STAU2: variants seen among roughly 807,000 people sequenced by gnomAD.
STAU2 encodes the protein double-stranded RNA-binding protein Staufen homolog 2.
Under a neutral mutation model 65.9 loss-of-function variants are expected in STAU2, and 20 were observed. The observed-to-expected ratio is 0.30, with a 90% CI of 0.21 to 0.44. The LOEUF is 0.44. Among genes scored for constraint, STAU2 ranks in the 20% least tolerant of loss-of-function variants. The probability of loss-of-function intolerance (pLI) is 1.00; values close to 1 mark genes in which losing one functional copy is unlikely to be tolerated. For missense variants in STAU2, 558 were observed against 683.9 expected, an observed-to-expected ratio of 0.82 and a Z score of 2.05; for synonymous variants, 232 against 233.9, an observed-to-expected ratio of 0.99 and a Z score of 0.07.
intron 13 of STAU2, among the ~76,000 whole-genome samples, chr8:73,529,836 T>A (rs1048425059): frequency 6.6e-6 from 1 of 152,204 alleles, no homozygotes; most frequent in Non-Finnish European, 1.5e-5. Context: ...AGACTGCTAG[T>A]TGTCCTCCAA....
chr8:73,443,184 G>T (rs920956641), intron 13 of STAU2, among the ~76,000 whole-genome samples: 1 of 151,594 alleles, frequency 6.6e-6, no homozygotes, highest in African/African-American at 2.4e-5. Flanking sequence ...AGCCCAGGAG[G>T]AAAAAAAAGG....
rs912947461 is a variant in STAU2 at position 73,420,410 on chromosome 8, C to T, written c.*962G>A. On this transcript the variant is annotated 3_prime_UTR_variant, in exon 15 of 15. Transcript: ENST00000524300. ...CCACATTTTTACTGCATCTGCTCCA[C>T]GCTGGATTCCAACATGCTGGCCCGG... The T allele has an allele frequency of 6.2e-6, 2 of 321,062 alleles. No homozygotes were observed. Among genetic ancestry groups the T allele is most frequent in the Non-Finnish European group, 6.3e-6 (1 of 159,470 alleles). 19.9% of individuals were successfully genotyped at this position (321,062 alleles called of 1,614,324 possible). A position where few individuals can be genotyped will look rare whatever the true frequency, so the allele number is the denominator to read the frequency against.
At chr8:73,569,129 C>A (rs745563571) in intron 12 of STAU2, among the ~76,000 whole-genome samples, 14 of 152,110 alleles carry the variant, frequency 9.2e-5, no homozygotes, top group Non-Finnish European at 1.6e-4. Flanking sequence ...GCTTTTCCAA[C>A]GGTCTTAGCA....
intron 3 of STAU2, among the ~76,000 whole-genome samples, chr8:73,724,573 G>C (rs1332925727): frequency 6.6e-6 from 1 of 151,590 alleles, no homozygotes; most frequent in Non-Finnish European, 1.5e-5. Context: ...GTATTTAGAT[G>C]ATTTTGCCCA....
At chr8:73,422,809 A>T (rs1554587683) in intron 13 of STAU2, 107 bp from the exon 14 acceptor site, 24 of 759,086 alleles carry the variant, frequency 3.2e-5, no homozygotes, top group Non-Finnish European at 1.9e-5. Context: ...AGTCTACATA[A>T]TTTTTTTTTG....
At chr8:73,491,981 G>A (rs367971716) in intron 13 of STAU2, among the ~76,000 whole-genome samples, 8 of 151,810 alleles carry the variant, frequency 5.3e-5, no homozygotes, top group South Asian at 2.1e-4. Context: ...CTGATTTGGC[G>A]TGTTTTGATT....
chr8:73,621,059 T>C (rs1813191677), intron 6 of STAU2, among the ~76,000 whole-genome samples: 1 of 152,264 alleles, frequency 6.6e-6, no homozygotes, highest in Non-Finnish European at 1.5e-5. Context: ...TTCCTTCTAC[T>C]TTCACTTATT....
At chr8:73,506,825 T>A (rs965494670) in intron 13 of STAU2, among the ~76,000 whole-genome samples, 2 of 152,226 alleles carry the variant, frequency 1.3e-5, no homozygotes, top group Non-Finnish European at 2.9e-5. Context: ...TGCTGTTTTA[T>A]AAACAAAGTT....
At chr8:73,455,211 TGAGACTCACAGCTATCTATCTA>T (rs1431529438) in intron 13 of STAU2, among the ~76,000 whole-genome samples, 1 of 152,224 alleles carries the variant, frequency 6.6e-6, no homozygotes, top group East Asian at 1.9e-4. Context: ...GGGCTGGCTC[TGAGACTCACAGCTATCTATCTA>T]GAGACTCACA....
intron 12 of STAU2, among the ~76,000 whole-genome samples, chr8:73,570,267 G>A (rs1437296881): frequency 1.3e-5 from 2 of 152,174 alleles, no homozygotes; most frequent in African/African-American, 4.8e-5. Context: ...GAGAAAAAAA[G>A]AGTAAAAAGA....
intron 13 of STAU2, among the ~76,000 whole-genome samples, chr8:73,501,184 T>TA (rs906960448): frequency 1.9e-4 from 28 of 150,544 alleles, no homozygotes; most frequent in Middle Eastern, 3.4e-3. Context: ...CTTTCCTACT[T>TA]AAAAAAAAAC....
At chr8:73,744,498 A>C (rs1807138209) in intron 1 of STAU2, among the ~76,000 whole-genome samples, 3 of 151,866 alleles carry the variant, frequency 2.0e-5, no homozygotes, top group African/African-American at 7.2e-5. Flanking sequence ...AAAAAAAAAA[A>C]AAAACCTACC....
chr8:73,574,894 C>G (rs1809407641), intron 12 of STAU2, among the ~76,000 whole-genome samples: 1 of 150,940 alleles, frequency 6.6e-6, no homozygotes, highest in African/African-American at 2.4e-5. Flanking sequence ...TACCCTAGAA[C>G]TTAAAGTATA....
At chr8:73,679,502 C>A (rs56019202) in intron 5 of STAU2, among the ~76,000 whole-genome samples, 11,013 of 152,208 alleles carry the variant, frequency 0.072, 430 homozygotes, top group Middle Eastern at 0.14. Flanking sequence ...CACATCCTCA[C>A]TGGGGAACCT....
Position 73,426,186 on chromosome 8 carries a change from GATAA to G in STAU2, c.1531-3488_1531-3485del, listed in dbSNP as rs1172056383. Among the ~76,000 whole-genome samples the G allele has an allele frequency of 7.4e-5, 11 of 148,826 alleles. No individual in the cohort carries two copies. In the South Asian group the frequency reaches 2.3e-3, roughly 32 times the overall value. ...GTAACCTGCTTTTTTTTTTTTCAATGATAAATAATAATTGTACACATTCATGGGG... is the reference window on the plus strand; with the variant it reads ...GTAACCTGCTTTTTTTTTTTTCAATGATAATAATTGTACACATTCATGGGG... On this transcript the variant is annotated intron_variant, in intron 13 of 14. Transcript: ENST00000524300.
intron 6 of STAU2, among the ~76,000 whole-genome samples, chr8:73,626,098 C>CACAG (rs1314468304): frequency 8.6e-5 from 13 of 151,904 alleles, no homozygotes; most frequent in Admixed American, 8.5e-4. Context: ...CACACACACA[C>CACAG]ACACAGACAC....
At chr8:73,715,438 AGAGT>A in intron 3 of STAU2, among the ~76,000 whole-genome samples, 1 of 140,774 alleles carries the variant, frequency 7.1e-6, no homozygotes, top group East Asian at 2.1e-4. Context: ...CCTGGGCAAC[AGAGT>A]GAGACTGTCA....
intron 11 of STAU2, among the ~76,000 whole-genome samples, chr8:73,588,957 C>T (rs1195452704): frequency 6.6e-6 from 1 of 152,116 alleles, no homozygotes; most frequent in African/African-American, 2.4e-5. Flanking sequence ...ACACCCACCA[C>T]AATCCCAGGA....
intron 13 of STAU2, among the ~76,000 whole-genome samples, chr8:73,514,024 T>C (rs1400282557): frequency 6.6e-6 from 1 of 152,220 alleles, no homozygotes; most frequent in Non-Finnish European, 1.5e-5. Context: ...TTCAGAGTCC[T>C]AAAGTTGCTG....
Sources: gnomAD v4.1 joint callset for allele counts (sites outside exome capture counted in the v4.1 genomes callset) on GRCh38, gnomAD v4.1.1 for gene constraint, MANE v1.5 for transcripts, NCBI Gene and HGNC (gene_info 2026-07-23, HGNC 2026-07-21) for gene names.